Variants in LY86 observed in about 807,000 individuals in gnomAD.
LY86 encodes the protein lymphocyte antigen 86.
In LY86, 20 loss-of-function variants were observed where a neutral mutation model predicts 17.3. The ratio of observed to expected loss-of-function variants is 1.15; its 90% CI spans 0.81 to 1.68. The LOEUF is 1.68. Among genes scored for constraint, LY86 ranks in the 40% most tolerant of loss-of-function variants. The pLI, the probability that LY86 is intolerant of heterozygous loss-of-function variation, is 0.00. For synonymous variants in LY86, 74 were observed against 70.6 expected (o/e 1.05, Z -0.24); for missense variants, 200 against 191.9 (o/e 1.04, Z -0.25).
intron 1 of LY86, among the ~76,000 whole-genome samples, chr6:6,610,947 AT>A (rs1761316357): frequency 6.6e-6 from 1 of 152,192 alleles, no homozygotes; most frequent in Non-Finnish European, 1.5e-5. Flanking sequence ...TTCTTTGAAA[AT>A]ATATAGGAAG....
chr6:6,600,956 G>A (rs1458196470), intron 1 of LY86, among the ~76,000 whole-genome samples: 1 of 152,190 alleles, frequency 6.6e-6, no homozygotes, highest in East Asian at 1.9e-4. Context: ...CCTCACACTT[G>A]ACTTCAGTTT....
intron 1 of LY86, among the ~76,000 whole-genome samples, chr6:6,597,551 T>TA (rs1760752791): frequency 6.6e-6 from 1 of 152,174 alleles, no homozygotes; most frequent in Admixed American, 6.5e-5. Flanking sequence ...CCTGATCCAT[T>TA]AGCTTTGACT....
chr6:6,607,562 C>CAT (rs1761219064), intron 1 of LY86, among the ~76,000 whole-genome samples: 1 of 151,966 alleles, frequency 6.6e-6, no homozygotes. Context: ...GGAGGAAAGG[C>CAT]ATAAAGAAAG....
chr6:6,612,546 C>G (rs112560661), intron 1 of LY86, among the ~76,000 whole-genome samples: 15 of 152,132 alleles, frequency 9.9e-5, no homozygotes, highest in African/African-American at 2.9e-4. Context: ...ACAAAAGCAA[C>G]GAAACAACCA....
intron 4 of LY86, among the ~76,000 whole-genome samples, chr6:6,651,882 C>T (rs1762191791): frequency 6.6e-6 from 1 of 151,540 alleles, no homozygotes; most frequent in African/African-American, 2.4e-5. Flanking sequence ...ATGGTGAAAC[C>T]CCATCTCTAC....
At chr6:6,651,267 T>C (rs1030804140) in intron 4 of LY86, among the ~76,000 whole-genome samples, 9 of 152,270 alleles carry the variant, frequency 5.9e-5, no homozygotes, top group African/African-American at 9.6e-5. Context: ...TGTATTTGGC[T>C]GAAGAAAAAG....
At chr6:6,637,060 G>A (rs1761970824) in intron 3 of LY86, among the ~76,000 whole-genome samples, 1 of 148,928 alleles carries the variant, frequency 6.7e-6, no homozygotes, top group African/African-American at 2.5e-5. Flanking sequence ...GCCCAGGCTG[G>A]AGTGCAGTGT....
At chr6:6,603,082 C>T (rs1052066566) in intron 1 of LY86, among the ~76,000 whole-genome samples, 4 of 151,782 alleles carry the variant, frequency 2.6e-5, no homozygotes, top group African/African-American at 7.3e-5. Flanking sequence ...ATGGTCCTCC[C>T]GACTCTGTCC....
chr6:6,653,070 T>C (rs1053693974), intron 4 of LY86, among the ~76,000 whole-genome samples: 1 of 152,206 alleles, frequency 6.6e-6, no homozygotes, highest in African/African-American at 2.4e-5. Context: ...TAACACTATT[T>C]CTAAAATTAC....
At chr6:6,617,761 G>A (rs751933720) in intron 1 of LY86, among the ~76,000 whole-genome samples, 3 of 152,162 alleles carry the variant, frequency 2.0e-5, no homozygotes, top group Admixed American at 6.5e-5. Context: ...GCTATGTGGC[G>A]CCATGGCACC....
intron 3 of LY86, among the ~76,000 whole-genome samples, chr6:6,636,833 A>C (rs1212444255): frequency 2.0e-5 from 3 of 151,828 alleles, no homozygotes; most frequent in African/African-American, 4.8e-5. Context: ...AAATTCATGC[A>C]GAATCACCAA....
chr6:6,593,342 G>A (rs538714803), intron 1 of LY86, among the ~76,000 whole-genome samples: 8 of 152,324 alleles, frequency 5.3e-5, no homozygotes, highest in Admixed American at 5.2e-4. Context: ...CCTCCTTCCT[G>A]TAAGGACCCT....
intron 1 of LY86, among the ~76,000 whole-genome samples, chr6:6,602,881 A>T (rs1424067348): frequency 6.6e-6 from 1 of 152,220 alleles, no homozygotes; most frequent in Non-Finnish European, 1.5e-5. Flanking sequence ...ATAGGTGTTT[A>T]CAGGAAGAAA....
chr6:6,608,912 A>G (rs1343246143), intron 1 of LY86, among the ~76,000 whole-genome samples: 2 of 152,216 alleles, frequency 1.3e-5, no homozygotes, highest in African/African-American at 4.8e-5. Flanking sequence ...TTTTCATGGC[A>G]GCTTGCTATC....
intron 1 of LY86, among the ~76,000 whole-genome samples, chr6:6,611,167 G>A (rs1050049003): frequency 2.6e-5 from 4 of 152,192 alleles, no homozygotes; most frequent in African/African-American, 9.6e-5. Flanking sequence ...GGTCACAAAA[G>A]CACAACTGAC....
rs144094447 is a variant in LY86 at position 6,641,298 on chromosome 6, A to T, written c.353-8327A>T. Reference sequence around the variant, plus strand: ...GAGTTAACTTGATTTATTATAGGTTATTCTACTTATGCACTATTGGACACT... The same window carrying T: ...GAGTTAACTTGATTTATTATAGGTTTTTCTACTTATGCACTATTGGACACT... On this transcript the variant is annotated intron_variant, in intron 3 of 4. Transcript: ENST00000230568. 5.4e-4 allele frequency among the ~76,000 whole-genome samples: 82 copies of T among 152,374 alleles called. 1 individual carries two copies. In the Middle Eastern group the frequency reaches 0.014, roughly 25 times the overall value.
intron 3 of LY86, among the ~76,000 whole-genome samples, chr6:6,639,105 G>C (rs1054904284): frequency 9.9e-5 from 15 of 152,082 alleles, no homozygotes; most frequent in African/African-American, 3.6e-4. Flanking sequence ...CATAAAAAAT[G>C]ATGAGTTCAT....
intron 3 of LY86, 78 bp from the exon 4 acceptor site, chr6:6,649,547 T>G (rs770084168): frequency 1.5e-5 from 14 of 912,888 alleles, no homozygotes; most frequent in Non-Finnish European, 2.4e-5. Context: ...CACACATCTG[T>G]GTAACCACAA....
intron 1 of LY86, among the ~76,000 whole-genome samples, chr6:6,601,012 C>CA (rs1203060056): frequency 6.6e-6 from 1 of 152,158 alleles, no homozygotes; most frequent in African/African-American, 2.4e-5. Flanking sequence ...TGCACACTTC[C>CA]AAAAAATACC....
Sources: gnomAD v4.1 joint callset for allele counts (sites outside exome capture counted in the v4.1 genomes callset) on GRCh38, gnomAD v4.1.1 for gene constraint, MANE v1.5 for transcripts, NCBI Gene and HGNC (gene_info 2026-07-23, HGNC 2026-07-21) for gene names.